Variants in DNAH14 observed in about 807,000 individuals in gnomAD.
DNAH14 encodes the protein axonemal beta dynein heavy chain 14.
DNAH14 carries 478 observed loss-of-function variants against 520.9 expected under a neutral mutation model. The observed-to-expected ratio is 0.92, with a 90% confidence interval of 0.85 to 0.99. The LOEUF (loss-of-function observed/expected upper bound fraction) is 0.99. Ranked by LOEUF, DNAH14 falls within the 50% of genes least tolerant of loss-of-function variation. The pLI is 0.00. For synonymous variants in DNAH14, 1,581 were observed against 1,757.2 expected (o/e 0.90, Z 2.51); for missense variants, 4,831 against 5,234.5 (o/e 0.92, Z 2.38).
intron 41 of DNAH14, among the ~76,000 whole-genome samples, chr1:225,219,248 T>C (rs756592603): frequency 9.9e-5 from 15 of 151,760 alleles, no homozygotes; most frequent in Non-Finnish European, 2.1e-4. Flanking sequence ...AACATTACAA[T>C]TAAAAGAACT....
intron 1 of DNAH14, among the ~76,000 whole-genome samples, chr1:224,945,998 C>T (rs1344004950): frequency 6.6e-6 from 1 of 152,246 alleles, no homozygotes; most frequent in Non-Finnish European, 1.5e-5. Context: ...CTGGGAGAAC[C>T]ACTACTCTCT....
chr1:225,233,903 G>A (rs1340243158), intron 42 of DNAH14, among the ~76,000 whole-genome samples: 2 of 152,068 alleles, frequency 1.3e-5, no homozygotes, highest in Non-Finnish European at 2.9e-5. Context: ...TTTTCTTCTA[G>A]GGTTTTTATA....
intron 41 of DNAH14, among the ~76,000 whole-genome samples, chr1:225,210,429 G>A (rs145004055): frequency 7.2e-5 from 11 of 152,214 alleles, no homozygotes; most frequent in East Asian, 1.9e-4. Flanking sequence ...ACACAGCACC[G>A]CAAAGCCACT....
chr1:225,385,353 A>C (rs2095828877), intron 81 of DNAH14, among the ~76,000 whole-genome samples: 1 of 152,226 alleles, frequency 6.6e-6, no homozygotes, highest in Non-Finnish European at 1.5e-5. Context: ...ACTCCTATTC[A>C]ACATAGTTTT....
Position 225,392,337 on chromosome 1 carries a change from C to T in DNAH14, c.13377C>T (p.Ile4459=), listed in dbSNP as rs1364557362. The change falls in exon 84 of 86, where the codon ATC becomes ATT. Residue 4459 remains isoleucine, a synonymous_variant. Transcript: ENST00000682510. ...AAGACTATGGGAGGTCCCGAGGAAT[C>T]GCTGTGGATGCCCTCACCTTCACCC... ...VLQDYGRSRG[I]AVDALTFTHH... is the part of the protein sequence containing the mutation. 7 of 1,552,262 alleles carry T rather than the reference C, an allele frequency of 4.5e-6. No homozygotes were observed. The highest frequency in any genetic ancestry group is 3.3e-4 in the Middle Eastern group (2 of 6,020).
At chr1:225,048,832 A>G (rs746622559) in intron 15 of DNAH14, among the ~76,000 whole-genome samples, 16 of 152,148 alleles carry the variant, frequency 1.1e-4, no homozygotes, top group Non-Finnish European at 2.1e-4. Flanking sequence ...CCAGCAATCT[A>G]TGAATTCCAG....
At chr1:225,028,391 C>A (rs952602655) in intron 11 of DNAH14, among the ~76,000 whole-genome samples, 1 of 151,858 alleles carries the variant, frequency 6.6e-6, no homozygotes, top group Non-Finnish European at 1.5e-5. Context: ...TCCATTTTAT[C>A]TAACTTATTT....
In DNAH14 at chr1:225,374,843, T is replaced by A; in HGVS notation, c.12474T>A (p.Asn4158Lys). 6.4e-7 allele frequency: 1 copy of A among 1,551,208 alleles called. No individual in the cohort carries two copies. The highest frequency in any genetic ancestry group is 8.7e-7 in the Non-Finnish European group (1 of 1,146,652). The change falls in exon 78 of 86, where the codon AAT (asparagine) becomes AAA (lysine). Residue 4158 changes from asparagine to lysine, a missense_variant. By Grantham distance (94) the Asn-to-Lys change is moderately conservative. Coordinates refer to ENST00000682510, the MANE Select transcript of DNAH14 (RefSeq NM_001367479.1). ...CLKTLLYKFC[N>K]PEVLKDDFSF... Reference sequence around the variant, plus strand: ...AGACCCTACTCTACAAATTTTGTAATCCTGAAGTGCTGAAAGATGACTTCA... The same window carrying A: ...AGACCCTACTCTACAAATTTTGTAAACCTGAAGTGCTGAAAGATGACTTCA...
In DNAH14 at chr1:225,097,144, CT is replaced by C. The variant is rs1245038579; in HGVS notation, c.3602del (p.Leu1201Ter). Reference sequence around the variant, plus strand: ...ATCTTGTGAATGAATGGGATCAAAACTTGACTCTCTTCTCTTACACCCTTGA... The same window carrying C: ...ATCTTGTGAATGAATGGGATCAAAACTGACTCTCTTCTCTTACACCCTTGA... The part of the protein sequence containing the change: ...KDLVNEWDQN[L>X]TLFSYTLEEW... On this transcript the variant is annotated frameshift_variant, in exon 22 of 86. Transcript: ENST00000682510. LOFTEE classifies it high-confidence loss of function. 1.3e-6 allele frequency: 2 copies of C among 1,549,684 alleles called. No individual in the cohort carries two copies. The highest frequency in any genetic ancestry group is 1.7e-6 in the Non-Finnish European group (2 of 1,146,004).
chr1:225,265,255 A>T lies in DNAH14; in HGVS notation c.7296A>T (p.Val2432=), dbSNP rs2093069549. 3.9e-6 allele frequency: 6 copies of T among 1,540,612 alleles called. No individual in the cohort carries two copies. Among genetic ancestry groups the T allele is most frequent in the South Asian group, 1.2e-5 (1 of 81,144 alleles). ...LLKNNDHKGV[V]VSTINFSTNV... is the part of the protein sequence containing the mutation. ...AAAATAATGATCATAAAGGAGTTGT[A>T]GTCTCTACAATAAATTTTAGCACCA... The change falls in exon 48 of 86, where the codon GTA becomes GTT. Residue 2432 remains valine (V), a synonymous_variant. Transcript: ENST00000682510.
In DNAH14 at chr1:225,333,460, T is replaced by C. The variant is rs1428944100; in HGVS notation, c.10034T>C (p.Leu3345Ser). ...TTCTGCATTGAAAATGGCATTTCTT[T>C]GTCTTCCAAATTCTCTTTAATTAAA... is the stretch of plus-strand genomic sequence containing the variant. The part of the protein sequence containing the change: ...ETFCIENGIS[L>S]SSKFSLIKVM... Residue 3345 changes from leucine (L) to serine (S), a missense_variant, in exon 66 of 86, where the codon TTG (leucine) becomes TCG (serine). By Grantham distance (145) the Leu-to-Ser change is moderately radical (BLOSUM62 -2). Coordinates refer to ENST00000682510, the MANE Select transcript of DNAH14 (RefSeq NM_001367479.1). The C allele has an allele frequency of 1.3e-6, 2 of 1,551,308 alleles. No homozygotes were observed. Among genetic ancestry groups the C allele is most frequent in the Non-Finnish European group, 1.7e-6 (2 of 1,146,794 alleles).
At chr1:224,940,036 T>G (rs1175423153) in intron 1 of DNAH14, among the ~76,000 whole-genome samples, 1 of 152,242 alleles carries the variant, frequency 6.6e-6, no homozygotes, top group African/African-American at 2.4e-5. Context: ...GTAGTTTTGC[T>G]GCTCTATGTG....
chr1:225,335,421 A>G (rs1190579902), intron 66 of DNAH14, among the ~76,000 whole-genome samples: 2 of 128,068 alleles, frequency 1.6e-5, no homozygotes, highest in Non-Finnish European at 3.3e-5. Flanking sequence ...GTATGCACAT[A>G]TGCACGTGTG....
intron 17 of DNAH14, among the ~76,000 whole-genome samples, chr1:225,059,603 T>A (rs1464506136): frequency 6.6e-6 from 1 of 152,268 alleles, no homozygotes; most frequent in Non-Finnish European, 1.5e-5. Flanking sequence ...CTTTAGTTGA[T>A]GCAGTTTCTT....
intron 69 of DNAH14, among the ~76,000 whole-genome samples, chr1:225,341,381 G>A (rs2095176811): frequency 6.6e-6 from 1 of 152,198 alleles, no homozygotes; most frequent in Non-Finnish European, 1.5e-5. Context: ...CAACACTTTG[G>A]GAGGCCGAAG....
intron 20 of DNAH14, among the ~76,000 whole-genome samples, chr1:225,084,826 A>C (rs531746621): frequency 1.3e-5 from 2 of 152,084 alleles, no homozygotes; most frequent in African/African-American, 4.8e-5. Flanking sequence ...TTTGCTTTAC[A>C]CATTATCAGT....
At position 225,107,388 on chromosome 1, in the gene DNAH14, G is replaced by T. The variant is rs77858755; in HGVS notation, c.3867+6504G>T. On this transcript the variant is annotated intron_variant, in intron 23 of 85. Transcript: ENST00000682510. ...AGCTGCGTACTGCTTTAGTTTTTATGAACATGTGACTGAAACTGAGTTCCT... is the reference window on the plus strand; with the variant it reads ...AGCTGCGTACTGCTTTAGTTTTTATTAACATGTGACTGAAACTGAGTTCCT... Among the ~76,000 whole-genome samples the T allele has an allele frequency of 6.9e-4, 105 of 152,230 alleles. 1 individual carries two copies. The East Asian group carries it at 0.019, about 27-fold the overall frequency.
chr1:225,158,587 T>G (rs1009499095), intron 34 of DNAH14, among the ~76,000 whole-genome samples: 4 of 152,204 alleles, frequency 2.6e-5, no homozygotes, highest in African/African-American at 7.2e-5. Flanking sequence ...ACTGATTGAC[T>G]AGAGCTGAGG....
At chr1:225,064,368 TTTAAAG>T (rs1213496826) in intron 17 of DNAH14, among the ~76,000 whole-genome samples, 1 of 151,998 alleles carries the variant, frequency 6.6e-6, no homozygotes, top group Non-Finnish European at 1.5e-5. Flanking sequence ...GGCAATTACT[TTTAAAG>T]TTAAATACTC....
Sources: allele counts gnomAD v4.1 joint callset (sites outside exome capture counted in the v4.1 genomes callset), GRCh38; gene constraint gnomAD v4.1.1; transcripts MANE v1.5; gene names NCBI Gene and HGNC (gene_info 2026-07-23, HGNC 2026-07-21).